CD109: variants seen among roughly 807,000 people sequenced by gnomAD.
CD109 encodes the protein CD109 molecule, also known as CD109 antigen.
A neutral mutation model predicts 165.8 loss-of-function variants in CD109; 149 were observed. The ratio of observed to expected loss-of-function variants is 0.90; its 90% CI spans 0.79 to 1.03. The LOEUF (loss-of-function observed/expected upper bound fraction) is 1.03, where lower values mean the gene tolerates loss of function less well. CD109 is among the 50% of genes least tolerant of loss of function. The pLI, the probability that CD109 is intolerant of heterozygous loss-of-function variation, is 0.00. For synonymous variants in CD109, 585 were observed against 592.1 expected, an observed-to-expected ratio of 0.99 and a Z score of 0.18; for missense variants, 1,712 against 1,677.8, an observed-to-expected ratio of 1.02 and a Z score of -0.36.
At chr6:73,722,591 C>T (rs1277544088) in intron 2 of CD109, among the ~76,000 whole-genome samples, 1 of 152,214 alleles carries the variant, frequency 6.6e-6, no homozygotes, top group Non-Finnish European at 1.5e-5. Flanking sequence ...TTATTTCCTT[C>T]TCTCTCTTTA....
At chr6:73,710,749 A>T (rs991791821) in intron 2 of CD109, among the ~76,000 whole-genome samples, 2 of 152,154 alleles carry the variant, frequency 1.3e-5, no homozygotes, top group African/African-American at 4.8e-5. Context: ...TTGAGGAAGA[A>T]GAAAATCTCC....
chr6:73,690,404 T>G, the CD109 span, among the ~76,000 whole-genome samples: 1 of 152,126 alleles, frequency 6.6e-6, no homozygotes, highest in Non-Finnish European at 1.5e-5. Flanking sequence ...AAACATTTTT[T>G]TTGTTTGTTT....
At position 73,785,440 on chromosome 6, in the gene CD109, A is replaced by G; in HGVS notation, c.2300A>G (p.Glu767Gly). ...SVIRGEEFAL[E>G]ITIFNYLKDA... is the part of the protein sequence containing the mutation. ...ATCAGAGGTGAAGAATTTGCTTTGGAAATAACTATATTCAATTATTTGAAA... is the reference window on the plus strand; with the variant it reads ...ATCAGAGGTGAAGAATTTGCTTTGGGAATAACTATATTCAATTATTTGAAA... The change falls in exon 20 of 33, where the codon GAA becomes GGA. Residue 767 changes from glutamate to glycine, a missense_variant. Coordinates refer to ENST00000287097, the MANE Select transcript of CD109 (RefSeq NM_133493.5). 1 of 1,599,064 alleles carries G rather than the reference A, an allele frequency of 6.3e-7. No individual in the cohort carries two copies. The highest frequency in any genetic ancestry group is 8.5e-7 in the Non-Finnish European group (1 of 1,170,220).
intron 2 of CD109, chr6:73,723,014 A>C: frequency 2.8e-6 from 1 of 360,050 alleles, no homozygotes; most frequent in Non-Finnish European, 3.9e-6. Context: ...GCAGAACCTA[A>C]TGTTTTTTGG....
chr6:73,731,967 A>G (rs1437081882), intron 4 of CD109, among the ~76,000 whole-genome samples: 1 of 152,210 alleles, frequency 6.6e-6, no homozygotes, highest in East Asian at 1.9e-4. Context: ...ATTTGGAGGC[A>G]CTGTGGTTAG....
At chr6:73,803,529 G>A (rs999733326) in intron 24 of CD109, among the ~76,000 whole-genome samples, 1 of 151,822 alleles carries the variant, frequency 6.6e-6, no homozygotes, top group Non-Finnish European at 1.5e-5. Flanking sequence ...TCTTTTTTGT[G>A]TGTGTGTGTG....
intron 2 of CD109, among the ~76,000 whole-genome samples, chr6:73,704,981 C>T (rs1413571951): frequency 6.6e-6 from 1 of 152,190 alleles, no homozygotes; most frequent in Non-Finnish European, 1.5e-5. Context: ...AAATGTCCCA[C>T]CTCTGCTGAC....
chr6:73,789,081 A>G (rs1215736013), intron 22 of CD109, among the ~76,000 whole-genome samples: 1 of 152,206 alleles, frequency 6.6e-6, no homozygotes, highest in African/African-American at 2.4e-5. Context: ...TCTGGGTTCT[A>G]CTCTAAACCT....
intron 26 of CD109, among the ~76,000 whole-genome samples, chr6:73,808,933 A>T (rs960539000): frequency 6.6e-6 from 1 of 151,760 alleles, no homozygotes; most frequent in African/African-American, 2.4e-5. Flanking sequence ...GGATAATTGT[A>T]GAAAGTGTTT....
At chr6:73,730,147 A>T (rs1346299719) in intron 3 of CD109, among the ~76,000 whole-genome samples, 197 bp from the exon 4 acceptor site, 3 of 152,214 alleles carry the variant, frequency 2.0e-5, no homozygotes, top group Non-Finnish European at 4.4e-5. Flanking sequence ...GAGCCCTGTG[A>T]TGTAACTGGA....
intron 2 of CD109, among the ~76,000 whole-genome samples, chr6:73,701,467 C>G (rs1771075190): frequency 6.6e-6 from 1 of 152,210 alleles, no homozygotes; most frequent in Admixed American, 6.5e-5. Context: ...GTGAGTCTGT[C>G]CCTTTGTCTC....
intron 24 of CD109, 122 bp downstream of exon 24, chr6:73,803,423 T>TAA: frequency 1.6e-6 from 1 of 630,426 alleles, no homozygotes; most frequent in Non-Finnish European, 2.8e-6. Context: ...GCTTTTTCCT[T>TAA]AGTCTGGCTT....
intron 2 of CD109, among the ~76,000 whole-genome samples, chr6:73,722,908 T>G (rs1337919940): frequency 6.6e-6 from 1 of 152,186 alleles, no homozygotes; most frequent in Non-Finnish European, 1.5e-5. Context: ...ACTACTTCTG[T>G]ACAGCGTGTG....
At chr6:73,701,124 T>A (rs1486111942) in intron 2 of CD109, among the ~76,000 whole-genome samples, 2 of 150,128 alleles carry the variant, frequency 1.3e-5, no homozygotes, top group Non-Finnish European at 3.0e-5. Context: ...TTTTTTTTTT[T>A]GGTGAATAAT....
intron 2 of CD109, among the ~76,000 whole-genome samples, chr6:73,710,941 G>T (rs1035842719): frequency 9.2e-5 from 14 of 152,174 alleles, no homozygotes; most frequent in African/African-American, 2.7e-4. Flanking sequence ...TTTATTTATG[G>T]ATGCTGAAAT....
upstream of CD109, chr6:73,696,201 G>C: frequency 6.5e-7 from 1 of 1,545,012 alleles, no homozygotes; most frequent in Admixed American, 1.9e-5. Flanking sequence ...TGTAGCCCAG[G>C]CAGACGCCGT....
intron 5 of CD109, among the ~76,000 whole-genome samples, chr6:73,748,258 C>A (rs1161196856): frequency 1.3e-5 from 2 of 152,028 alleles, no homozygotes; most frequent in Non-Finnish European, 2.9e-5. Context: ...CCCTTTGCAA[C>A]CAATTATCTA....
intron 1 of CD109, 130 bp downstream of exon 1, chr6:73,696,419 TC>T: frequency 1.4e-6 from 1 of 698,544 alleles, no homozygotes; most frequent in Non-Finnish European, 2.1e-6. Context: ...GCGGCTGCAG[TC>T]CCCAGCCTGG....
At chr6:73,745,862 G>A (rs545923648) in intron 5 of CD109, among the ~76,000 whole-genome samples, 43 of 152,278 alleles carry the variant, frequency 2.8e-4, no homozygotes, top group Non-Finnish European at 5.3e-4. Context: ...CCGAGTAACT[G>A]GGATTACAGG....
Sources: allele counts gnomAD v4.1 joint callset (sites outside exome capture counted in the v4.1 genomes callset), GRCh38; gene constraint gnomAD v4.1.1; transcripts MANE v1.5; gene names NCBI Gene and HGNC (gene_info 2026-07-23, HGNC 2026-07-21).